UNC5C: variants seen among roughly 807,000 people sequenced by gnomAD.
UNC5C encodes the protein unc-5 netrin receptor C.
A neutral mutation model predicts 99.8 loss-of-function variants in UNC5C; 47 were observed. The observed-to-expected ratio is 0.47, with a 90% CI of 0.37 to 0.60. The LOEUF is 0.60. Among genes scored for constraint, UNC5C ranks in the 20% least tolerant of loss-of-function variants. UNC5C has a pLI of 0.00. For synonymous variants in UNC5C, 487 were observed against 452.2 expected (o/e 1.08, Z -0.98); for missense variants, 1,062 against 1,165.9 (o/e 0.91, Z 1.30).
At chr4:95,520,753 C>T (rs533240544) in intron 1 of UNC5C, among the ~76,000 whole-genome samples, 136 of 152,078 alleles carry the variant, frequency 8.9e-4, no homozygotes, top group Non-Finnish European at 1.6e-3. Context: ...TGCCGGCCAC[C>T]ACGCCCAGCT....
chr4:95,382,525 T>A (rs1412493407), intron 1 of UNC5C, among the ~76,000 whole-genome samples: 1 of 152,130 alleles, frequency 6.6e-6, no homozygotes, highest in Non-Finnish European at 1.5e-5. Context: ...TAAATCCATC[T>A]TTTGAGAATA....
intron 1 of UNC5C, among the ~76,000 whole-genome samples, chr4:95,381,654 G>T (rs1745075531): frequency 6.6e-6 from 1 of 151,898 alleles, no homozygotes; most frequent in Non-Finnish European, 1.5e-5. Flanking sequence ...TTAATTATTT[G>T]ATAGTTTGTG....
intron 1 of UNC5C, among the ~76,000 whole-genome samples, chr4:95,487,184 C>A: frequency 6.6e-6 from 1 of 151,908 alleles, no homozygotes; most frequent in African/African-American, 2.4e-5. Flanking sequence ...CCATCTTTCC[C>A]TCTAGTCTCC....
At chr4:95,462,148 G>T (rs1747621616) in intron 1 of UNC5C, among the ~76,000 whole-genome samples, 1 of 151,782 alleles carries the variant, frequency 6.6e-6, no homozygotes, top group Non-Finnish European at 1.5e-5. Context: ...TACCGCATGG[G>T]CAAAACATTT....
At chr4:95,310,417 G>A (rs531684227) in intron 2 of UNC5C, among the ~76,000 whole-genome samples, 38 of 74,070 alleles carry the variant, frequency 5.1e-4, no homozygotes, top group African/African-American at 2.3e-3. Flanking sequence ...CTTGAAATTT[G>A]CCAAGACAGT....
intron 1 of UNC5C, among the ~76,000 whole-genome samples, chr4:95,518,924 T>C (rs1477913664): frequency 6.6e-6 from 1 of 152,118 alleles, no homozygotes; most frequent in African/African-American, 2.4e-5. Context: ...AAAGTTAAAG[T>C]ATTACTTCCC....
At chr4:95,517,530 G>A (rs768967193) in intron 1 of UNC5C, among the ~76,000 whole-genome samples, 3 of 152,128 alleles carry the variant, frequency 2.0e-5, no homozygotes, top group Non-Finnish European at 4.4e-5. Flanking sequence ...TTATTGAAAT[G>A]CTCCTAAAAA....
At chr4:95,334,470 G>A (rs921185149) in intron 2 of UNC5C, among the ~76,000 whole-genome samples, 1 of 151,908 alleles carries the variant, frequency 6.6e-6, no homozygotes, top group East Asian at 1.9e-4. Context: ...TTAAATATAT[G>A]TCAACATTAC....
chr4:95,210,545 CTA>C (rs1202934244), intron 10 of UNC5C, among the ~76,000 whole-genome samples: 1 of 152,066 alleles, frequency 6.6e-6, no homozygotes, highest in Non-Finnish European at 1.5e-5. Flanking sequence ...AAGGACTTCT[CTA>C]TGTCTCATGT....
At chr4:95,333,540 G>A (rs898971867) in intron 2 of UNC5C, among the ~76,000 whole-genome samples, 1 of 142,862 alleles carries the variant, frequency 7.0e-6, no homozygotes, top group Non-Finnish European at 1.5e-5. Flanking sequence ...ATGGACACAG[G>A]AAGGGGAACA....
At chr4:95,279,518 C>T (rs1740977735) in intron 3 of UNC5C, among the ~76,000 whole-genome samples, 1 of 152,120 alleles carries the variant, frequency 6.6e-6, no homozygotes, top group African/African-American at 2.4e-5. Flanking sequence ...GCTTTAAACT[C>T]TATATACATT....
chr4:95,286,937 C>T (rs1404739270), intron 3 of UNC5C, among the ~76,000 whole-genome samples: 1 of 152,112 alleles, frequency 6.6e-6, no homozygotes, highest in Non-Finnish European at 1.5e-5. Context: ...TGTGGGCCAA[C>T]ATTTTGAGGA....
intron 1 of UNC5C, among the ~76,000 whole-genome samples, chr4:95,401,987 T>C (rs1220795547): frequency 6.6e-6 from 1 of 152,224 alleles, no homozygotes; most frequent in Non-Finnish European, 1.5e-5. Flanking sequence ...ACAGTGGTTA[T>C]TACTAGAGAG....
intron 1 of UNC5C, among the ~76,000 whole-genome samples, chr4:95,394,496 T>C (rs1745453423): frequency 6.6e-6 from 1 of 151,936 alleles, no homozygotes; most frequent in South Asian, 2.1e-4. Context: ...TATAAAGGAG[T>C]ACTTTTACAT....
intron 1 of UNC5C, among the ~76,000 whole-genome samples, chr4:95,424,570 G>A (rs1462904661): frequency 2.5e-5 from 3 of 117,676 alleles, no homozygotes; most frequent in African/African-American, 9.9e-5. Context: ...GGCCCTGGCT[G>A]GAGTGCAGTG....
At chr4:95,177,802 A>C (rs888452990) in intron 14 of UNC5C, among the ~76,000 whole-genome samples, 2 of 151,784 alleles carry the variant, frequency 1.3e-5, no homozygotes, top group African/African-American at 4.8e-5. Context: ...CTTGGGCTCA[A>C]GCGATCCTCC....
intron 1 of UNC5C, among the ~76,000 whole-genome samples, chr4:95,510,401 A>C (rs1564898): frequency 6.6e-6 from 1 of 151,996 alleles, no homozygotes; most frequent in Non-Finnish European, 1.5e-5. Context: ...TGCCTTAAAA[A>C]CACTAGCTAT....
intron 10 of UNC5C, among the ~76,000 whole-genome samples, chr4:95,209,380 T>C (rs1212820486): frequency 6.6e-6 from 1 of 152,200 alleles, no homozygotes; most frequent in Non-Finnish European, 1.5e-5. Flanking sequence ...AAGAACACAA[T>C]TAAAATTTGG....
intron 1 of UNC5C, among the ~76,000 whole-genome samples, chr4:95,513,451 T>G (rs149990385): frequency 6.6e-6 from 1 of 152,278 alleles, no homozygotes; most frequent in African/African-American, 2.4e-5. Flanking sequence ...AACATAAAGA[T>G]CTGTCAGCAT....
Sources: gnomAD v4.1 joint callset for allele counts (sites outside exome capture counted in the v4.1 genomes callset) on GRCh38, gnomAD v4.1.1 for gene constraint, MANE v1.5 for transcripts, NCBI Gene and HGNC (gene_info 2026-07-23, HGNC 2026-07-21) for gene names.